Variants in CD99L2 observed in about 807,000 individuals in gnomAD.
CD99L2 encodes the protein CD99 molecule like 2.
Under a neutral mutation model 27.3 loss-of-function variants are expected in CD99L2, and 24 were observed. The observed-to-expected ratio is 0.88, with a 90% confidence interval of 0.64 to 1.24. The LOEUF (loss-of-function observed/expected upper bound fraction) is 1.24, where lower values mean the gene tolerates loss of function less well. Among genes scored for constraint, CD99L2 ranks in the 50% most tolerant of loss-of-function variants. The probability of loss-of-function intolerance (pLI) is 0.00; values close to 1 mark genes in which losing one functional copy is unlikely to be tolerated. For missense variants in CD99L2, 255 were observed against 221.6 expected (o/e 1.15, Z -0.96); for synonymous variants, 97 against 87.9 (o/e 1.10, Z -0.58).
chrX:150,800,265 T>A (rs1463025213), intron 4 of CD99L2, among the ~76,000 whole-genome samples: 3 of 111,023 alleles, frequency 2.7e-5, no homozygotes, highest in African/African-American at 9.9e-5. Context: ...GGTATAGGGT[T>A]TCTAGCTGGG....
intron 2 of CD99L2, among the ~76,000 whole-genome samples, chrX:150,824,628 GAGA>G (rs1302499494): frequency 8.6e-5 from 7 of 81,085 alleles, no homozygotes; most frequent in East Asian, 3.5e-4. Flanking sequence ...GAAGAAGGAG[GAGA>G]AGAAGGAGGA....
chrX:150,775,515 C>T (rs1444699638), intron 9 of CD99L2, among the ~76,000 whole-genome samples: 1 of 112,649 alleles, frequency 8.9e-6, no homozygotes, highest in Admixed American at 9.3e-5. Context: ...AGACTCACAG[C>T]TACAGCATGA....
chrX:150,897,875 T>A lies in CD99L2; in HGVS notation c.67+647A>T, dbSNP rs185789623. Reference sequence around the variant, plus strand: ...GCTGCAGTTCTTACAAGCTCCCAGGTGATGCCTATGCGGCTGGGCCCTGGA... The same window carrying A: ...GCTGCAGTTCTTACAAGCTCCCAGGAGATGCCTATGCGGCTGGGCCCTGGA... On this transcript the variant is annotated intron_variant, in intron 1 of 10. Coordinates refer to ENST00000370377, the MANE Select transcript of CD99L2 (RefSeq NM_031462.4). Among the ~76,000 whole-genome samples the A allele has an allele frequency of 1.8e-4, 20 of 110,743 alleles. No individual in the cohort carries two copies. In the East Asian group the frequency reaches 5.7e-3, roughly 32 times the overall value.
At chrX:150,833,087 T>G (rs781914108) in intron 1 of CD99L2, among the ~76,000 whole-genome samples, 1 of 105,049 alleles carries the variant, frequency 9.5e-6, no homozygotes, top group East Asian at 3.0e-4. Context: ...ACCAGAAAAC[T>G]ATGAGAACTG....
chrX:150,775,123 G>A (rs1441318301), intron 9 of CD99L2, among the ~76,000 whole-genome samples: 2 of 112,586 alleles, frequency 1.8e-5, no homozygotes, highest in South Asian at 3.7e-4. Context: ...GGAGACTTCC[G>A]TAAAGCATCT....
intron 4 of CD99L2, among the ~76,000 whole-genome samples, chrX:150,796,258 T>C (rs1490241100): frequency 1.8e-5 from 2 of 112,540 alleles, no homozygotes; most frequent in Non-Finnish European, 3.8e-5. Flanking sequence ...CCTAGGGACA[T>C]TTAAAATGTA....
chrX:150,823,257 G>GGGTT (rs1395684184), intron 2 of CD99L2, among the ~76,000 whole-genome samples: 10 of 111,921 alleles, frequency 8.9e-5, no homozygotes, highest in African/African-American at 2.6e-4. Context: ...ACCTGAAACT[G>GGGTT]GGTTGGTTGG....
At chrX:150,777,754 T>C (rs1309228380) in intron 7 of CD99L2, among the ~76,000 whole-genome samples, 1 of 111,966 alleles carries the variant, frequency 8.9e-6, no homozygotes, top group African/African-American at 3.3e-5. Flanking sequence ...CCGGGCTCTT[T>C]AGACACAGTA....
chrX:150,875,501 C>T (rs1231927736), intron 1 of CD99L2, among the ~76,000 whole-genome samples: 1 of 111,755 alleles, frequency 8.9e-6, no homozygotes, highest in African/African-American at 3.3e-5. Flanking sequence ...TATAAGAGTA[C>T]CTACCTCTCT....
chrX:150,818,340 T>C (rs954010229), intron 2 of CD99L2, among the ~76,000 whole-genome samples: 1 of 109,529 alleles, frequency 9.1e-6, no homozygotes, highest in South Asian at 4.0e-4. Flanking sequence ...AGGTAGACCA[T>C]ATGTAGGTTA....
chrX:150,898,406 G>A (rs2047653448), intron 1 of CD99L2, 116 bp downstream of exon 1: 8 of 553,238 alleles, frequency 1.4e-5, no homozygotes, highest in Non-Finnish European at 1.9e-5. Context: ...GGGCCGGCCG[G>A]TGGCAGCCAC....
At chrX:150,771,331 C>T (rs2043450647) in intron 9 of CD99L2, among the ~76,000 whole-genome samples, 1 of 112,845 alleles carries the variant, frequency 8.9e-6, no homozygotes, top group African/African-American at 3.2e-5. Context: ...CAAATGCGGG[C>T]GTTGCTCTTT....
Position 150,795,224 on chromosome X carries a change from G to A in CD99L2, c.412C>T (p.Pro138Ser), listed in dbSNP as rs782308792. The A allele has an allele frequency of 1.7e-6, 2 of 1,211,544 alleles. No homozygotes were observed. Among genetic ancestry groups the A allele is most frequent in the Non-Finnish European group, 2.2e-6 (2 of 895,440 alleles). ...GACTCACCTCCTCCTCCAGCAATTG[G>A]TTTCCTGCGGCCATCATCTCGATCA... ...RNDRDDGRRKPIAGGGGFSDK... is the reference protein window; with the variant it reads ...RNDRDDGRRKSIAGGGGFSDK... Residue 138 changes from proline to serine, a missense_variant, in exon 6 of 11, where the codon CCA becomes TCA. Pro to Ser is a moderately conservative substitution (Grantham distance 74, BLOSUM62 -1). Transcript: ENST00000370377.
At chrX:150,866,814 G>A (rs1444130138) in intron 1 of CD99L2, among the ~76,000 whole-genome samples, 3 of 111,410 alleles carry the variant, frequency 2.7e-5, no homozygotes, top group African/African-American at 9.8e-5. Flanking sequence ...AGTATCACAG[G>A]TACCCCTACA....
At chrX:150,877,975 C>T (rs1290879469) in intron 1 of CD99L2, among the ~76,000 whole-genome samples, 3 of 89,865 alleles carry the variant, frequency 3.3e-5, no homozygotes, top group Non-Finnish European at 7.5e-5. Flanking sequence ...CACACACACA[C>T]ACACACACAC....
chrX:150,852,439 C>A (rs7883093), intron 1 of CD99L2, among the ~76,000 whole-genome samples: 19,938 of 108,923 alleles, frequency 0.18, 1,430 homozygotes, highest in African/African-American at 0.25. Flanking sequence ...CCCATCTCTT[C>A]CCTTCACTAA....
At chrX:150,862,078 T>C (rs1395119142) in intron 1 of CD99L2, among the ~76,000 whole-genome samples, 1 of 111,985 alleles carries the variant, frequency 8.9e-6, no homozygotes, top group Non-Finnish European at 1.9e-5. Context: ...ATAATGGTAG[T>C]TGTCCATAGA....
chrX:150,862,572 G>A (rs985780738), intron 1 of CD99L2, among the ~76,000 whole-genome samples: 3 of 112,209 alleles, frequency 2.7e-5, no homozygotes, highest in Non-Finnish European at 5.6e-5. Context: ...TTAACCTCCA[G>A]AATGCAAGCG....
rs782156850 is a variant in CD99L2 at position 150,796,127 on chromosome X, T to C, written c.278-641A>G. On this transcript the variant is annotated intron_variant, in intron 4 of 10. Transcript: ENST00000370377. ...CTGTAACTGTTCCCACTATTGAAGTTAATAGAGGGAAAAGACAGAGACAGT... is the reference window on the plus strand; with the variant it reads ...CTGTAACTGTTCCCACTATTGAAGTCAATAGAGGGAAAAGACAGAGACAGT... Among the ~76,000 whole-genome samples the C allele has an allele frequency of 1.5e-3, 164 of 112,011 alleles. 1 individual carries two copies. The highest frequency in any genetic ancestry group is 5.1e-3 in the African/African-American group (157 of 30,819).
Sources: allele counts gnomAD v4.1 joint callset (sites outside exome capture counted in the v4.1 genomes callset), GRCh38; gene constraint gnomAD v4.1.1; transcripts MANE v1.5; gene names NCBI Gene and HGNC (gene_info 2026-07-23, HGNC 2026-07-21).